The following SPEF2 variants were observed in gnomAD, a reference collection of about 807,000 sequenced individuals.
SPEF2 encodes sperm flagellar and cilia associated 2, also known as sperm flagella and cilia-associated protein 2.
A neutral mutation model predicts 224.6 loss-of-function variants in SPEF2; 187 were observed. The observed-to-expected ratio is 0.83, with a 90% CI of 0.74 to 0.94. SPEF2 has a LOEUF of 0.94. Among genes scored for constraint, SPEF2 ranks in the 40% least tolerant of loss-of-function variants. The pLI, the probability that SPEF2 is intolerant of heterozygous loss-of-function variation, is 0.00. For synonymous variants in SPEF2, 715 were observed against 707.3 expected (o/e 1.01, Z -0.17); for missense variants, 2,170 against 2,135.6 (o/e 1.02, Z -0.32).
At chr5:35,798,219 C>G (rs993436786) in intron 33 of SPEF2, among the ~76,000 whole-genome samples, 2 of 152,144 alleles carry the variant, frequency 1.3e-5, no homozygotes, top group Admixed American at 6.6e-5. Flanking sequence ...TCAAAACTTC[C>G]GTGGCTCTGT....
chr5:35,797,759 T>A (rs1219518025), intron 33 of SPEF2, among the ~76,000 whole-genome samples: 1 of 152,194 alleles, frequency 6.6e-6, no homozygotes, highest in African/African-American at 2.4e-5. Context: ...GTTTACTTAT[T>A]TGGCTGTAAT....
At chr5:35,796,773 T>C (rs892206027) in intron 33 of SPEF2, among the ~76,000 whole-genome samples, 1 of 152,180 alleles carries the variant, frequency 6.6e-6, no homozygotes, top group African/African-American at 2.4e-5. Flanking sequence ...AAGATTCCAG[T>C]TGCAGCCTTA....
At chr5:35,792,188 A>C in intron 30 of SPEF2, 152 bp from the exon 31 acceptor site, 1 of 480,338 alleles carries the variant, frequency 2.1e-6, no homozygotes, top group Non-Finnish European at 3.5e-6. Context: ...TAATTTTTAT[A>C]TTTCCAAAAT....
chr5:35,653,618 A>T (rs999070462), intron 6 of SPEF2, among the ~76,000 whole-genome samples: 5 of 152,242 alleles, frequency 3.3e-5, no homozygotes, highest in Admixed American at 3.3e-4. Flanking sequence ...GAAGAAGAGG[A>T]AAAGAAATCC....
At chr5:35,689,995 T>C (rs1020600703) in intron 10 of SPEF2, among the ~76,000 whole-genome samples, 3 of 152,166 alleles carry the variant, frequency 2.0e-5, no homozygotes, top group Non-Finnish European at 4.4e-5. Context: ...TTAATTTCCA[T>C]TTTTATTTTT....
intron 30 of SPEF2, chr5:35,791,508 A>T (rs1477018781): frequency 1.3e-5 from 2 of 152,200 alleles, no homozygotes; most frequent in East Asian, 1.9e-4. Flanking sequence ...TAAAACAAAG[A>T]ATAGCTATGT....
chr5:35,790,687 T>A, intron 30 of SPEF2: 1 of 188,660 alleles, frequency 5.3e-6, no homozygotes, highest in Non-Finnish European at 1.1e-5. Flanking sequence ...GTGACCAGAC[T>A]ATGATTACGG....
chr5:35,751,096 C>CACACACACAT (rs1554048857), intron 23 of SPEF2, among the ~76,000 whole-genome samples: 2 of 30,626 alleles, frequency 6.5e-5, no homozygotes, highest in African/African-American at 2.2e-4. Flanking sequence ...CACACACACA[C>CACACACACAT]ATATATATAT....
chr5:35,774,481 G>T (rs182767789), intron 28 of SPEF2, among the ~76,000 whole-genome samples: 56 of 152,242 alleles, frequency 3.7e-4, no homozygotes, highest in Non-Finnish European at 6.2e-4. Context: ...CCCTGAAAAT[G>T]AGTCCTTGGG....
chr5:35,764,724 C>T (rs544104167), intron 26 of SPEF2: 1 of 456,188 alleles, frequency 2.2e-6, no homozygotes, highest in South Asian at 1.5e-5. Flanking sequence ...GGGCACTTTC[C>T]AAGTCCCTTC....
chr5:35,640,059 A>G (rs929171568), intron 2 of SPEF2, among the ~76,000 whole-genome samples: 2 of 152,140 alleles, frequency 1.3e-5, no homozygotes, highest in Non-Finnish European at 2.9e-5. Flanking sequence ...AATACATTTA[A>G]ACCCTAGTAG....
intron 27 of SPEF2, 64 bp downstream of exon 27, chr5:35,771,820 A>C: frequency 6.5e-7 from 1 of 1,529,620 alleles, no homozygotes; most frequent in Non-Finnish European, 8.8e-7. Flanking sequence ...GAAAACGAGC[A>C]TTTAACTGGA....
chr5:35,651,994 G>A (rs1172791042), intron 6 of SPEF2, among the ~76,000 whole-genome samples: 1 of 152,098 alleles, frequency 6.6e-6, no homozygotes, highest in East Asian at 1.9e-4. Context: ...TGGTATTTGG[G>A]TTAATATATT....
chr5:35,814,609 T>G lies in SPEF2; in HGVS notation c.*56T>G. The G allele has an allele frequency of 8.7e-7, 1 of 1,144,044 alleles. No individual in the cohort carries two copies. Among genetic ancestry groups the G allele is most frequent in the Non-Finnish European group, 1.3e-6 (1 of 781,302 alleles). 70.9% of individuals were successfully genotyped at this position (1,144,044 alleles called of 1,614,324 possible). On this transcript the variant is annotated 3_prime_UTR_variant, in exon 37 of 37. Transcript: ENST00000356031. ...CAATAAATCTTCCAAAAATTAAATG[T>G]GACCATGGTGTTTGTCATATATGTT...
At chr5:35,732,699 G>A (rs1745836172) in intron 21 of SPEF2, among the ~76,000 whole-genome samples, 1 of 152,104 alleles carries the variant, frequency 6.6e-6, no homozygotes, top group Non-Finnish European at 1.5e-5. Flanking sequence ...TCAGTTCTGG[G>A]AACATGAAAG....
At chr5:35,757,526 A>G (rs1218996705) in intron 24 of SPEF2, among the ~76,000 whole-genome samples, 1 of 152,154 alleles carries the variant, frequency 6.6e-6, no homozygotes, top group Non-Finnish European at 1.5e-5. Context: ...AAAGTTGTCA[A>G]TATTCAGTTT....
chr5:35,648,806 G>T (rs1291040502), intron 5 of SPEF2, among the ~76,000 whole-genome samples: 1 of 152,044 alleles, frequency 6.6e-6, no homozygotes. Context: ...CTGAGGTCAG[G>T]AGTTTGAGGC....
intron 34 of SPEF2, 55 bp downstream of exon 34, chr5:35,800,202 A>G: frequency 6.4e-7 from 1 of 1,564,298 alleles, no homozygotes; most frequent in Non-Finnish European, 8.7e-7. Flanking sequence ...ATGCCTGAAG[A>G]TCCTAAACTG....
chr5:35,799,416 A>G (rs531923406), intron 33 of SPEF2, among the ~76,000 whole-genome samples: 1 of 152,188 alleles, frequency 6.6e-6, no homozygotes, highest in Non-Finnish European at 1.5e-5. Context: ...CTGATTTGAT[A>G]TTTGGTGTTT....
Sources: gnomAD v4.1 joint callset for allele counts (sites outside exome capture counted in the v4.1 genomes callset) on GRCh38, gnomAD v4.1.1 for gene constraint, MANE v1.5 for transcripts, NCBI Gene and HGNC (gene_info 2026-07-23, HGNC 2026-07-21) for gene names.